Variants in RGPD1 observed in about 807,000 individuals in gnomAD.
RGPD1 encodes RANBP2-like and GRIP domain-containing protein 1.
In RGPD1, 7 loss-of-function variants were observed where a neutral mutation model predicts 40.6. That is an observed-to-expected ratio of 0.17 (90% CI 0.10 to 0.32). RGPD1 has a LOEUF of 0.32. Among genes scored for constraint, RGPD1 ranks in the 10% least tolerant of loss-of-function variants. RGPD1 has a pLI of 1.00. For synonymous variants in RGPD1, 24 were observed against 167.0 expected (o/e 0.14, Z 6.60); for missense variants, 50 against 472.5 (o/e 0.11, Z 8.29).
At chr2:86,929,470 A>G (rs1182585425) in intron 1 of RGPD1, among the ~76,000 whole-genome samples, 1 of 151,860 alleles carries the variant, frequency 6.6e-6, no homozygotes, top group African/African-American at 2.4e-5. Context: ...TTCAAAAATA[A>G]TAACCAGGCT....
rs1222939349 is a variant in RGPD1, at chr2:86,998,511, C to CAA, written c.5236+805_5236+806dup. Among the ~76,000 whole-genome samples, 18 of 6,152 alleles carry CAA rather than the reference C, an allele frequency of 2.9e-3. 9 individuals carry two copies. The highest frequency in any genetic ancestry group is 5.6e-3 in the Admixed American group (2 of 354). 4.0% of individuals were successfully genotyped at this position (6,152 alleles called of 152,430 possible). A position where few individuals can be genotyped will look rare whatever the true frequency, so the allele number is the denominator to read the frequency against. On this transcript the variant is annotated intron_variant, in intron 22 of 22. Coordinates refer to ENST00000641458, the MANE Select transcript of RGPD1 (RefSeq NM_001382344.1). Reference sequence around the variant, plus strand: ...TGACGGCAGAGCGAGACTCCCATCTCAAAAAAAAAAAAAAAAAAAAAAAAA... The same window carrying CAA: ...TGACGGCAGAGCGAGACTCCCATCTCAAAAAAAAAAAAAAAAAAAAAAAAAAA...
At position 86,930,578 on chromosome 2, in the gene RGPD1, G is replaced by A. The variant is rs535451110; in HGVS notation, c.72+16657G>A. ...GGATGAGGACAGTCCAGAGCAGCCAGAACCACCAGAGCTCATAGTAGTAGG... is the reference window on the plus strand; with the variant it reads ...GGATGAGGACAGTCCAGAGCAGCCAAAACCACCAGAGCTCATAGTAGTAGG... On this transcript the variant is annotated intron_variant, in intron 1 of 22. Coordinates refer to the RGPD1 transcript ENST00000398193. 6 of 1,611,060 alleles carry A rather than the reference G, an allele frequency of 3.7e-6. No individual in the cohort carries two copies. The South Asian group carries it at 5.5e-5, about 15-fold the overall frequency.
intron 1 of RGPD1, among the ~76,000 whole-genome samples, chr2:86,942,619 C>G (rs929346276): frequency 7.3e-6 from 1 of 137,128 alleles, no homozygotes; most frequent in African/African-American, 2.6e-5. Context: ...GCGCTGCTCC[C>G]TGGCGCGCTC....
chr2:86,942,078 TCGC>T (rs1227614582), upstream of RGPD1, among the ~76,000 whole-genome samples: 4 of 151,366 alleles, frequency 2.6e-5, no homozygotes, highest in African/African-American at 4.9e-5. Flanking sequence ...AGCGCCGACG[TCGC>T]CAAGGATACA....
At chr2:86,917,636 C>T in intron 1 of RGPD1, 3 of 58,910 alleles carry the variant, frequency 5.1e-5, no homozygotes, top group Admixed American at 2.8e-4. Flanking sequence ...GTCTCATGAA[C>T]GTGATGGGTT....
chr2:86,930,760 C>T, intron 1 of RGPD1: 1 of 1,377,618 alleles, frequency 7.3e-7, no homozygotes, highest in Non-Finnish European at 9.8e-7. Flanking sequence ...GCCATACCTC[C>T]ACCTACAGCC....
At position 86,942,544 on chromosome 2, in the gene RGPD1, GCGGCGGCGGCCTCGACGTGGCC is replaced by G. The variant is rs1161192535; in HGVS notation, c.72+252_72+273del. Among the ~76,000 whole-genome samples, 272 of 132,008 alleles carry G rather than the reference GCGGCGGCGGCCTCGACGTGGCC, an allele frequency of 2.1e-3. 16 individuals carry two copies. Among genetic ancestry groups the G allele is most frequent in the Middle Eastern group, 8.1e-3 (2 of 248 alleles). 86.6% of individuals were successfully genotyped at this position (132,008 alleles called of 152,430 possible). On this transcript the variant is annotated intron_variant, in intron 1 of 22. Coordinates refer to ENST00000641458, the MANE Select transcript of RGPD1 (RefSeq NM_001382344.1). The stretch of plus-strand genomic sequence containing the variant: ...GCGGCGGCCTCGACCTGGCCGGGCG[GCGGCGGCGGCCTCGACGTGGCC>G]CGGCGGCGGCCTCGATGGCTCAGGC...
At position 86,988,455 on chromosome 2, in the gene RGPD1, A is replaced by C. The variant is rs539669550; in HGVS notation, c.4900+656A>C. 1.9e-4 allele frequency among the ~76,000 whole-genome samples: 19 copies of C among 101,994 alleles called. 1 individual carries two copies. Among genetic ancestry groups the C allele is most frequent in the Middle Eastern group, 9.3e-3 (2 of 216 alleles). The allele number at this position is 101,994 out of a possible 152,430, so 66.9% of individuals were successfully genotyped here. On this transcript the variant is annotated intron_variant, in intron 20 of 22. Transcript: ENST00000641458. ...GACTTTGTCTCCAAAAAAAAAAAAA[A>C]AAAACAAAAAAACAAAAAAAACCAT...
At chr2:86,940,935 C>A (rs536470329), upstream of RGPD1, among the ~76,000 whole-genome samples, 1 of 152,306 alleles carries the variant, frequency 6.6e-6, no homozygotes, top group South Asian at 2.1e-4. Flanking sequence ...CTGGTAAGCT[C>A]AGAATCATCT....
chr2:86,924,077 T>C (rs1678260939), intron 1 of RGPD1, among the ~76,000 whole-genome samples: 2 of 62,530 alleles, frequency 3.2e-5, no homozygotes, highest in East Asian at 1.0e-3. Context: ...ATCTAGGCTA[T>C]TTCCATTTTT....
rs1176968880 is a variant in RGPD1 at position 86,956,821 on chromosome 2, G to A, written c.403-885G>A. 1.3e-4 allele frequency among the ~76,000 whole-genome samples: 12 copies of A among 94,994 alleles called. 2 individuals are homozygous for A. The highest frequency in any genetic ancestry group is 7.4e-4 in the Admixed American group (8 of 10,840). The allele number at this position is 94,994 out of a possible 152,430, so 62.3% of individuals were successfully genotyped here. A position where few individuals can be genotyped will look rare whatever the true frequency, so the allele number is the denominator to read the frequency against. On this transcript the variant is annotated intron_variant, in intron 4 of 22. Coordinates refer to ENST00000641458, the MANE Select transcript of RGPD1 (RefSeq NM_001382344.1). ...ACTTGATGATGTTATTGTCTTGAAG[G>A]GAACTTGTCATGTGGTGGAGAAGTA...
chr2:86,923,227 CAG>C (rs936268867), intron 1 of RGPD1, among the ~76,000 whole-genome samples: 4 of 150,534 alleles, frequency 2.7e-5, no homozygotes, highest in East Asian at 2.0e-4. Context: ...TTGGTAGAGA[CAG>C]GGTTTCACCA....
Position 86,947,604 on chromosome 2 carries a change from C to G in RGPD1, c.73-3692C>G, listed in dbSNP as rs1680401772. On this transcript the variant is annotated intron_variant, in intron 1 of 22. Coordinates refer to ENST00000641458, the MANE Select transcript of RGPD1 (RefSeq NM_001382344.1). ...AGCGTTTCTTGTATTATTTCTTTGA[C>G]CATTTCTTACCCTTTTTTTAATGAT... is the stretch of plus-strand genomic sequence containing the variant. 1.7e-5 allele frequency among the ~76,000 whole-genome samples: 2 copies of G among 117,818 alleles called. 1 individual carries two copies. The highest frequency in any genetic ancestry group is 3.7e-5 in the Non-Finnish European group (2 of 54,604). The allele number at this position is 117,818 out of a possible 152,430, so 77.3% of individuals were successfully genotyped here.
At chr2:87,006,727 C>T (rs1682059174) in intron 22 of RGPD1, among the ~76,000 whole-genome samples, 1 of 134,636 alleles carries the variant, frequency 7.4e-6, no homozygotes, top group African/African-American at 3.0e-5. Flanking sequence ...TGCCACTGCA[C>T]TCCAGCCTGG....
intron 1 of RGPD1, 36 bp downstream of exon 1, chr2:86,942,344 T>G (rs1679864047): frequency 1.1e-6 from 1 of 951,818 alleles, no homozygotes. Context: ...GGCCTCGACC[T>G]GGCCGGGCGG....
At chr2:86,938,972 TGTA>T (rs1342935440), upstream of RGPD1, among the ~76,000 whole-genome samples, 4 of 119,772 alleles carry the variant, frequency 3.3e-5, no homozygotes, top group Admixed American at 8.7e-5. Flanking sequence ...TACAATAAAA[TGTA>T]GTGCAATAAA....
upstream of RGPD1, among the ~76,000 whole-genome samples, chr2:86,939,629 C>T (rs1157959630): frequency 7.3e-6 from 1 of 137,098 alleles, no homozygotes; most frequent in Non-Finnish European, 1.6e-5. Context: ...TCTCTTTGGG[C>T]ACTCCTTTTC....
Position 86,930,620 on chromosome 2 carries a change from C to T in RGPD1, c.72+16699C>T, listed in dbSNP as rs184963125. On this transcript the variant is annotated intron_variant, in intron 1 of 22. Transcript: ENST00000398193. The stretch of plus-strand genomic sequence containing the variant: ...AGTAGTAGGTGCAGCAGCCAGTCTC[C>T]CCGCAGCAGTGAACACTCTCACAGA... 2.4e-4 allele frequency: 387 copies of T among 1,611,678 alleles called. 7 individuals are homozygous for T. In the African/African-American group the frequency reaches 4.0e-3, roughly 17 times the overall value.
exon 1 of RGPD1, chr2:86,913,917 G>C: frequency 6.5e-7 from 1 of 1,539,836 alleles, no homozygotes; most frequent in Non-Finnish European, 8.8e-7. Flanking sequence ...CCGTCGCCTG[G>C]AAAGGTGAGT....
Sources: gnomAD v4.1 joint callset for allele counts (sites outside exome capture counted in the v4.1 genomes callset) on GRCh38, gnomAD v4.1.1 for gene constraint, MANE v1.5 for transcripts, NCBI Gene and HGNC (gene_info 2026-07-23, HGNC 2026-07-21) for gene names.